Variants in CD44 observed in about 807,000 individuals in gnomAD.
CD44 encodes CD44 molecule (IN blood group).
A neutral mutation model predicts 88.8 loss-of-function variants in CD44; 49 were observed. The observed-to-expected ratio is 0.55, with a 90% CI of 0.44 to 0.70. The LOEUF is 0.70. Among genes scored for constraint, CD44 ranks in the 30% least tolerant of loss-of-function variants. CD44 has a pLI of 0.00. For synonymous variants in CD44, 325 were observed against 312.3 expected, an observed-to-expected ratio of 1.04 and a Z score of -0.43; for missense variants, 883 against 913.8, an observed-to-expected ratio of 0.97 and a Z score of 0.43.
intron 1 of CD44, among the ~76,000 whole-genome samples, chr11:35,156,636 C>T (rs1941905229): frequency 6.6e-6 from 1 of 152,168 alleles, no homozygotes; most frequent in Non-Finnish European, 1.5e-5. Flanking sequence ...AGACAGATCT[C>T]CTTTGGGGAC....
chr11:35,152,778 C>T (rs1025362396), intron 1 of CD44, among the ~76,000 whole-genome samples: 56 of 152,318 alleles, frequency 3.7e-4, no homozygotes, highest in African/African-American at 1.3e-3. Flanking sequence ...TTGGTTGTGC[C>T]ACTTCCTAAG....
chr11:35,156,737 G>A (rs1053282093), intron 1 of CD44, among the ~76,000 whole-genome samples: 1 of 152,188 alleles, frequency 6.6e-6, no homozygotes, highest in Non-Finnish European at 1.5e-5. Context: ...ATGCTGTGTT[G>A]TCAACTTGTT....
intron 1 of CD44, among the ~76,000 whole-genome samples, chr11:35,162,460 T>C (rs1479752804): frequency 6.6e-6 from 1 of 152,220 alleles, no homozygotes; most frequent in Non-Finnish European, 1.5e-5. Context: ...ATCATGCTCC[T>C]TAAAAGAAGG....
chr11:35,181,135 A>G (rs936353309), intron 3 of CD44, among the ~76,000 whole-genome samples: 2 of 152,324 alleles, frequency 1.3e-5, no homozygotes, highest in South Asian at 4.1e-4. Flanking sequence ...GGTGTAAGTC[A>G]AATGTCTTAG....
chr11:35,180,621 A>G (rs1944895023), intron 3 of CD44, among the ~76,000 whole-genome samples: 1 of 152,246 alleles, frequency 6.6e-6, no homozygotes, highest in African/African-American at 2.4e-5. Context: ...ACCATTCAGG[A>G]CTGTCCAATC....
chr11:35,224,388 A>G (rs1221452391), intron 17 of CD44, among the ~76,000 whole-genome samples: 1 of 152,118 alleles, frequency 6.6e-6, no homozygotes, highest in East Asian at 1.9e-4. Context: ...TTATTTTAGG[A>G]GTCAGTTGGG....
chr11:35,143,257 G>C (rs1858373673), intron 1 of CD44, among the ~76,000 whole-genome samples: 5 of 151,858 alleles, frequency 3.3e-5, no homozygotes, highest in African/African-American at 1.2e-4. Flanking sequence ...ATGGTCAGGA[G>C]CACCAAAGTT....
intron 1 of CD44, among the ~76,000 whole-genome samples, chr11:35,176,142 A>C: frequency 6.7e-6 from 1 of 148,860 alleles, no homozygotes; most frequent in Non-Finnish European, 1.5e-5. Flanking sequence ...TCCCAGGTTC[A>C]TGCCATTCTC....
intron 4 of CD44, among the ~76,000 whole-genome samples, chr11:35,187,568 C>G (rs960114849): frequency 1.3e-5 from 2 of 152,266 alleles, no homozygotes; most frequent in African/African-American, 4.8e-5. Context: ...ACCAACATCA[C>G]ATCGTAAATA....
In CD44 at chr11:35,229,575, A is replaced by G; in HGVS notation, c.*242A>G. ...TAATCAGCAAGAATTTGATCGTTCC[A>G]GTTCCCACTTGGAGGCCTTTCATCC... On this transcript the variant is annotated 3_prime_UTR_variant, in exon 18 of 18. Transcript: ENST00000428726. 2 of 501,074 alleles carry G rather than the reference A, an allele frequency of 4.0e-6. No homozygotes were observed. Among genetic ancestry groups the G allele is most frequent in the Non-Finnish European group, 7.2e-6 (2 of 279,640 alleles). The allele number at this position is 501,074 out of a possible 1,614,324, so 31.0% of individuals were successfully genotyped here.
rs763103888 is a variant in CD44, at chr11:35,176,648, G to A, written c.141G>A (p.Thr47=). Residue 47 remains threonine, a synonymous_variant, in exon 2 of 18, where the codon ACG becomes ACA. Transcript: ENST00000428726. The stretch of plus-strand genomic sequence containing the variant: ...ATGGTCGCTACAGCATCTCTCGGAC[G>A]GAGGCCGCTGACCTCTGCAAGGCTT... ...EKNGRYSISR[T]EAADLCKAFN... is the part of the protein sequence containing the mutation. 11 of 1,614,162 alleles carry A rather than the reference G, an allele frequency of 6.8e-6. No individual in the cohort carries two copies. Among genetic ancestry groups the A allele is most frequent in the East Asian group, 6.7e-5 (3 of 44,884 alleles).
At chr11:35,222,691 A>G (rs1191114179) in intron 17 of CD44, 1 of 923,224 alleles carries the variant, frequency 1.1e-6, no homozygotes, top group South Asian at 5.0e-5. Context: ...ATAAATCTAA[A>G]TTTATAAAAG....
Position 35,204,654 on chromosome 11 carries a change from T to A in CD44, c.1282+14T>A. The A allele has an allele frequency of 1.2e-6, 2 of 1,611,318 alleles. No individual in the cohort carries two copies. The highest frequency in any genetic ancestry group is 1.3e-5 in the African/African-American group (1 of 74,926). On this transcript the variant is annotated intron_variant, in intron 10 of 17. Coordinates refer to ENST00000428726, the MANE Select transcript of CD44 (RefSeq NM_000610.4). ...CAGGGACAGCTGGTAATGGATGGTTTAACAAGTAAATTTGGATGGAAACTT... is the reference window on the plus strand; with the variant it reads ...CAGGGACAGCTGGTAATGGATGGTTAAACAAGTAAATTTGGATGGAAACTT...
Position 35,159,513 on chromosome 11 carries a change from C to T in CD44, c.68-17062C>T, listed in dbSNP as rs188537578. ...TAGAAACTATGAGACCCCTTTGCAG[C>T]GGGGAAGACTGGGGCCAGTCATCCA... On this transcript the variant is annotated intron_variant, in intron 1 of 17. Transcript: ENST00000428726. Among the ~76,000 whole-genome samples, 546 of 152,162 alleles carry T rather than the reference C, an allele frequency of 3.6e-3. 8 individuals carry two copies. The highest frequency in any genetic ancestry group is 4.0e-3 in the Non-Finnish European group (269 of 68,004).
chr11:35,198,054 A>G, intron 6 of CD44, 67 bp from the exon 7 acceptor site: 7 of 1,566,592 alleles, frequency 4.5e-6, no homozygotes, highest in Non-Finnish European at 6.1e-6. Context: ...TCTGTGCCTG[A>G]TTTTCTTCCT....
At chr11:35,169,840 G>A (rs1264196483) in intron 1 of CD44, among the ~76,000 whole-genome samples, 2 of 152,200 alleles carry the variant, frequency 1.3e-5, no homozygotes, top group Non-Finnish European at 2.9e-5. Context: ...AGGAGAGAAT[G>A]CATAGTACCT....
intron 1 of CD44, among the ~76,000 whole-genome samples, chr11:35,140,512 TG>T (rs1320532382): frequency 6.6e-6 from 1 of 152,198 alleles, no homozygotes; most frequent in African/African-American, 2.4e-5. Context: ...TAGTTTAGAT[TG>T]AGTACCCAGT....
At chr11:35,143,138 T>A (rs1858340611) in intron 1 of CD44, among the ~76,000 whole-genome samples, 1 of 152,080 alleles carries the variant, frequency 6.6e-6, no homozygotes, top group Non-Finnish European at 1.5e-5. Context: ...CAATTTGAGT[T>A]TAATACAATA....
intron 3 of CD44, among the ~76,000 whole-genome samples, chr11:35,184,680 G>A (rs1945479849): frequency 6.6e-6 from 1 of 152,054 alleles, no homozygotes. Flanking sequence ...TCAGAAGCAG[G>A]GACAGAAACA....
Sources: gnomAD v4.1 joint callset for allele counts (sites outside exome capture counted in the v4.1 genomes callset) on GRCh38, gnomAD v4.1.1 for gene constraint, MANE v1.5 for transcripts, NCBI Gene and HGNC (gene_info 2026-07-23, HGNC 2026-07-21) for gene names.